GRID2: variants seen among roughly 807,000 people sequenced by gnomAD.
GRID2 encodes glutamate ionotropic receptor delta type subunit 2.
GRID2 carries 33 observed loss-of-function variants against 114.8 expected under a neutral mutation model. That is an observed-to-expected ratio of 0.29 (90% CI 0.22 to 0.38). GRID2 has a LOEUF of 0.38. GRID2 is among the 10% of genes least tolerant of loss of function. GRID2 has a pLI of 1.00. For missense variants in GRID2, 1,184 were observed against 1,257.7 expected, an observed-to-expected ratio of 0.94 and a Z score of 0.89; for synonymous variants, 505 against 449.9, an observed-to-expected ratio of 1.12 and a Z score of -1.55.
At position 93,292,740 on chromosome 4, in the gene GRID2, T is replaced by G. The variant is rs1027700909; in HGVS notation, c.1245+54250T>G. 2.0e-5 allele frequency among the ~76,000 whole-genome samples: 3 copies of G among 152,324 alleles called. No individual in the cohort carries two copies. The East Asian group carries it at 5.8e-4, about 29-fold the overall frequency. On this transcript the variant is annotated intron_variant, in intron 8 of 15. Transcript: ENST00000282020. ...TTTCTGAGATTTAAAACTGCCACATTGTTAAGAAAGAGACCATTACTGAAA... is the reference window on the plus strand; with the variant it reads ...TTTCTGAGATTTAAAACTGCCACATGGTTAAGAAAGAGACCATTACTGAAA...
intron 2 of GRID2, among the ~76,000 whole-genome samples, chr4:92,932,120 GAATA>G (rs1341954980): frequency 2.6e-5 from 4 of 151,068 alleles, no homozygotes; most frequent in African/African-American, 9.7e-5. Flanking sequence ...TTAAGCATAT[GAATA>G]GATAAGAAAA....
At chr4:92,718,761 C>CAAAAAAAAAA in intron 2 of GRID2, among the ~76,000 whole-genome samples, 1 of 41,780 alleles carries the variant, frequency 2.4e-5, no homozygotes, top group Admixed American at 3.1e-4. Context: ...AGACCCTGTC[C>CAAAAAAAAAA]AAAAAAAAAA....
chr4:93,183,582 A>G (rs533258954), intron 4 of GRID2, among the ~76,000 whole-genome samples: 1 of 152,308 alleles, frequency 6.6e-6, no homozygotes, highest in South Asian at 2.1e-4. Context: ...CCCACAAGGT[A>G]CTTAATTACT....
At chr4:93,400,574 T>G (rs1244793589) in intron 9 of GRID2, among the ~76,000 whole-genome samples, 4 of 152,120 alleles carry the variant, frequency 2.6e-5, no homozygotes, top group Non-Finnish European at 5.9e-5. Context: ...CATTACTGAG[T>G]TATAAACATA....
At chr4:92,378,783 A>G (rs773901993) in intron 1 of GRID2, among the ~76,000 whole-genome samples, 4 of 152,058 alleles carry the variant, frequency 2.6e-5, no homozygotes, top group Non-Finnish European at 4.4e-5. Context: ...CTAATTAACA[A>G]CATAAGTAAG....
intron 14 of GRID2, among the ~76,000 whole-genome samples, chr4:93,759,368 CAT>C (rs1733020923): frequency 1.3e-5 from 2 of 152,214 alleles, no homozygotes; most frequent in African/African-American, 4.8e-5. Flanking sequence ...TACCAAATAA[CAT>C]GTCTATAAAT....
intron 4 of GRID2, among the ~76,000 whole-genome samples, chr4:93,200,503 T>C (rs1219150667): frequency 1.3e-5 from 2 of 151,874 alleles, no homozygotes; most frequent in East Asian, 1.9e-4. Context: ...GAGGTGGAGC[T>C]TGCAGTGAGC....
At chr4:92,587,913 C>T (rs1579635300) in intron 1 of GRID2, among the ~76,000 whole-genome samples, 2 of 152,004 alleles carry the variant, frequency 1.3e-5, no homozygotes, top group African/African-American at 2.4e-5. Flanking sequence ...GATAAGAAGC[C>T]CTTTTTTAAA....
chr4:92,950,311 A>C (rs142228960), intron 2 of GRID2, among the ~76,000 whole-genome samples: 2 of 152,196 alleles, frequency 1.3e-5, no homozygotes, highest in African/African-American at 4.8e-5. Flanking sequence ...CTGACAGAGC[A>C]ATGTAAATCT....
intron 13 of GRID2, among the ~76,000 whole-genome samples, chr4:93,619,580 A>C (rs1742025741): frequency 6.6e-6 from 1 of 152,186 alleles, no homozygotes; most frequent in African/African-American, 2.4e-5. Flanking sequence ...GATGAGGAAA[A>C]ATAGATTTTC....
chr4:93,749,399 G>C (rs1240991696), intron 14 of GRID2, among the ~76,000 whole-genome samples: 1 of 152,184 alleles, frequency 6.6e-6, no homozygotes, highest in African/African-American at 2.4e-5. Flanking sequence ...GACTCTTCAA[G>C]GGGAAAGTGA....
At position 93,006,629 on chromosome 4, in the gene GRID2, G is replaced by A. The variant is rs180968542; in HGVS notation, c.245-78366G>A. ...AAGAGAGTCACTATATCAGAAAACCGTATAATATCAAAATATAAAAACACC... is the reference window on the plus strand; with the variant it reads ...AAGAGAGTCACTATATCAGAAAACCATATAATATCAAAATATAAAAACACC... On this transcript the variant is annotated intron_variant, in intron 2 of 15. Coordinates refer to ENST00000282020, the MANE Select transcript of GRID2 (RefSeq NM_001510.4). Among the ~76,000 whole-genome samples the A allele has an allele frequency of 6.5e-3, 980 of 151,008 alleles. 7 individuals are homozygous for A. The highest frequency in any genetic ancestry group is 0.01 in the Non-Finnish European group (698 of 67,710).
chr4:92,527,159 C>T (rs1725083460), intron 1 of GRID2, among the ~76,000 whole-genome samples: 1 of 152,014 alleles, frequency 6.6e-6, no homozygotes, highest in Non-Finnish European at 1.5e-5. Flanking sequence ...TGTCTAGTTA[C>T]AGTCTATCAC....
At chr4:93,515,457 C>T in intron 13 of GRID2, 46 bp downstream of exon 13, 3 of 1,259,970 alleles carry the variant, frequency 2.4e-6, no homozygotes, top group Non-Finnish European at 3.4e-6. Flanking sequence ...ATTTTGTGTC[C>T]CATGCTGGAA....
chr4:93,489,090 C>T (rs961068300), intron 11 of GRID2, among the ~76,000 whole-genome samples: 11 of 151,704 alleles, frequency 7.3e-5, no homozygotes, highest in East Asian at 1.9e-4. Flanking sequence ...TTATAAAGGA[C>T]GGAAATAAAC....
chr4:93,711,704 A>G (rs908391425), intron 14 of GRID2, among the ~76,000 whole-genome samples: 1 of 152,140 alleles, frequency 6.6e-6, no homozygotes, highest in South Asian at 2.1e-4. Flanking sequence ...AAGTCCCACA[A>G]TCAGTGCTGT....
At chr4:93,586,151 A>G (rs140093523) in intron 13 of GRID2, among the ~76,000 whole-genome samples, 222 of 152,184 alleles carry the variant, frequency 1.5e-3, no homozygotes, top group Non-Finnish European at 2.4e-3. Flanking sequence ...TAATTTCCAC[A>G]TATTCCAAAC....
chr4:93,524,478 C>A (rs1415342428), intron 13 of GRID2, among the ~76,000 whole-genome samples: 1 of 151,934 alleles, frequency 6.6e-6, no homozygotes, highest in Non-Finnish European at 1.5e-5. Flanking sequence ...AGCAGCCGTG[C>A]TAATGCATTT....
intron 14 of GRID2, among the ~76,000 whole-genome samples, chr4:93,631,385 G>T (rs1720848105): frequency 6.6e-6 from 1 of 152,018 alleles, no homozygotes; most frequent in African/African-American, 2.4e-5. Context: ...CCTAGGACAG[G>T]ACCTGGTGTG....
Sources: gnomAD v4.1 joint callset for allele counts (sites outside exome capture counted in the v4.1 genomes callset) on GRCh38, gnomAD v4.1.1 for gene constraint, MANE v1.5 for transcripts, NCBI Gene and HGNC (gene_info 2026-07-23, HGNC 2026-07-21) for gene names.